The following PDK3 variants were observed in gnomAD, a reference collection of about 807,000 sequenced individuals.
PDK3 encodes pyruvate dehydrogenase kinase 3, also known as pyruvate dehydrogenase kinase, isozyme 3.
Under a neutral mutation model 32.0 loss-of-function variants are expected in PDK3, and 12 were observed. The observed-to-expected ratio is 0.37, with a 90% CI of 0.24 to 0.61. The LOEUF (loss-of-function observed/expected upper bound fraction) is 0.61. Among genes scored for constraint, PDK3 ranks in the 20% least tolerant of loss-of-function variants. The pLI is 0.65. For synonymous variants in PDK3, 122 were observed against 116.3 expected (o/e 1.05, Z -0.31); for missense variants, 188 against 316.9 (o/e 0.59, Z 3.09).
chrX:24,468,391 C>T (rs1276958357), intron 1 of PDK3, among the ~76,000 whole-genome samples: 5 of 111,734 alleles, frequency 4.5e-5, no homozygotes, highest in Non-Finnish European at 7.5e-5. Flanking sequence ...CACTCCAAGT[C>T]GTGACAACCA....
chrX:24,496,894 G>C (rs1488582804), intron 2 of PDK3, among the ~76,000 whole-genome samples: 2 of 94,270 alleles, frequency 2.1e-5, no homozygotes, highest in African/African-American at 8.3e-5. Context: ...CCATTCTCCT[G>C]TCTCAACCTC....
intron 6 of PDK3, among the ~76,000 whole-genome samples, chrX:24,524,521 C>T (rs1398291478): frequency 8.9e-6 from 1 of 111,859 alleles, no homozygotes; most frequent in Admixed American, 9.5e-5. Context: ...CATTCTCCTC[C>T]AAGGGACACA....
chrX:24,494,836 G>A lies in PDK3; in HGVS notation c.201G>A (p.Leu67=). 8.3e-7 allele frequency: 1 copy of A among 1,206,463 alleles called. No individual in the cohort carries two copies. The highest frequency in any genetic ancestry group is 1.1e-6 in the Non-Finnish European group (1 of 891,610). ...ACACAATGAGAGAAGTTAATCTTCT[G>A]CCGGATAATTTACTTAACCGCCCTT... ...LANTMREVNL[L]PDNLLNRPSV... The change falls in exon 2 of 11, where the codon CTG becomes CTA. Residue 67 remains leucine, a synonymous_variant. Coordinates refer to ENST00000379162, the MANE Select transcript of PDK3 (RefSeq NM_005391.5).
chrX:24,488,936 G>T (rs1921477534), intron 1 of PDK3, among the ~76,000 whole-genome samples: 1 of 111,791 alleles, frequency 8.9e-6, no homozygotes, highest in Non-Finnish European at 1.9e-5. Flanking sequence ...AATAAAAATA[G>T]AAAGTCAAAA....
chrX:24,547,453 CTTTAG>C (rs745989275), exon 12 of PDK3: 1 of 111,702 alleles, frequency 9.0e-6, no homozygotes, highest in East Asian at 2.8e-4. Flanking sequence ...TTATTAAGCA[CTTTAG>C]TTAAGCAAAC....
rs748702601 is a variant in PDK3, at chrX:24,494,900, G to T, written c.248+17G>T. Reference sequence around the variant, plus strand: ...TCAGAGTTGGTAAGTAAACAATGTGGCTTAAAATGGATCTTCCCACAATGC... The same window carrying T: ...TCAGAGTTGGTAAGTAAACAATGTGTCTTAAAATGGATCTTCCCACAATGC... On this transcript the variant is annotated intron_variant, in intron 2 of 10. Transcript: ENST00000379162. 8.4e-7 allele frequency: 1 copy of T among 1,186,855 alleles called. No individual in the cohort carries two copies. Among genetic ancestry groups the T allele is most frequent in the Non-Finnish European group, 1.1e-6 (1 of 877,383 alleles).
chrX:24,482,498 G>A (rs183864429), intron 1 of PDK3, among the ~76,000 whole-genome samples: 2 of 111,950 alleles, frequency 1.8e-5, no homozygotes, highest in African/African-American at 6.5e-5. Flanking sequence ...GCAAGATTGA[G>A]CTTTTAAACC....
intron 9 of PDK3, among the ~76,000 whole-genome samples, chrX:24,530,265 G>C (rs1306350149): frequency 9.0e-6 from 1 of 111,326 alleles, no homozygotes; most frequent in Non-Finnish European, 1.9e-5. Flanking sequence ...TTTACCCCCT[G>C]CCCTTTCAGT....
At chrX:24,475,825 C>A (rs1921101621) in intron 1 of PDK3, among the ~76,000 whole-genome samples, 1 of 111,378 alleles carries the variant, frequency 9.0e-6, no homozygotes. Context: ...GGCTCTGGGG[C>A]AGCTCTCAGG....
chrX:24,535,779 G>A (rs1214609952), downstream of PDK3, among the ~76,000 whole-genome samples: 1 of 109,462 alleles, frequency 9.1e-6, no homozygotes, highest in African/African-American at 3.3e-5. Context: ...CTGCCTCCTG[G>A]CTTCAAGTGA....
At chrX:24,497,533 G>A (rs1257150020) in intron 2 of PDK3, among the ~76,000 whole-genome samples, 1 of 112,545 alleles carries the variant, frequency 8.9e-6, no homozygotes, top group Non-Finnish European at 1.9e-5. Context: ...TAATCCACTC[G>A]CCTCAGCCTC....
At chrX:24,512,175 A>T (rs969168455) in intron 5 of PDK3, among the ~76,000 whole-genome samples, 2 of 111,682 alleles carry the variant, frequency 1.8e-5, no homozygotes, top group Admixed American at 9.5e-5. Context: ...ATCCTTTGGG[A>T]GGTGCCTTCC....
exon 12 of PDK3, chrX:24,548,848 A>G (rs1237730778): frequency 2.7e-5 from 3 of 112,026 alleles, no homozygotes; most frequent in African/African-American, 9.7e-5. Context: ...TCCGCCATTG[A>G]GCCGTGCTAA....
intron 6 of PDK3, among the ~76,000 whole-genome samples, chrX:24,521,718 G>C (rs1398892057): frequency 9.0e-6 from 1 of 111,661 alleles, no homozygotes; most frequent in Non-Finnish European, 1.9e-5. Context: ...TGTCCCCGCT[G>C]AGGCTGTCAT....
At chrX:24,485,945 C>T (rs1423099056) in intron 1 of PDK3, among the ~76,000 whole-genome samples, 2 of 111,855 alleles carry the variant, frequency 1.8e-5, no homozygotes, top group Non-Finnish European at 3.8e-5. Context: ...CCAAAAGAGA[C>T]AAAATCTGAC....
At chrX:24,472,056 A>G (rs1302150643) in intron 1 of PDK3, among the ~76,000 whole-genome samples, 1 of 112,293 alleles carries the variant, frequency 8.9e-6, no homozygotes, top group African/African-American at 3.2e-5. Flanking sequence ...TGTCATCTGT[A>G]ATGATAAGCA....
chrX:24,536,893 T>C (rs1275359180), downstream of PDK3, among the ~76,000 whole-genome samples: 2 of 111,384 alleles, frequency 1.8e-5, no homozygotes, highest in African/African-American at 6.5e-5. Context: ...GATTCATCCA[T>C]GTTATTGCAT....
chrX:24,524,954 C>T (rs1418412596), intron 6 of PDK3, among the ~76,000 whole-genome samples: 2 of 111,352 alleles, frequency 1.8e-5, no homozygotes, highest in Non-Finnish European at 3.8e-5. Flanking sequence ...GTCGGGAGTT[C>T]GAGACCAGCC....
At chrX:24,484,808 T>C (rs1409285080) in intron 1 of PDK3, among the ~76,000 whole-genome samples, 4 of 110,712 alleles carry the variant, frequency 3.6e-5, no homozygotes, top group Non-Finnish European at 7.6e-5. Context: ...TACTTTGCCG[T>C]ATTTGCTTTA....
Sources: allele counts gnomAD v4.1 joint callset (sites outside exome capture counted in the v4.1 genomes callset), GRCh38; gene constraint gnomAD v4.1.1; transcripts MANE v1.5; gene names NCBI Gene and HGNC (gene_info 2026-07-23, HGNC 2026-07-21).